Variants in RASSF3 observed in about 807,000 individuals in gnomAD.
RASSF3 encodes the protein Ras association domain family member 3, also known as ras association domain-containing protein 3.
Under a neutral mutation model 19.9 loss-of-function variants are expected in RASSF3, and 19 were observed. That is an observed-to-expected ratio of 0.96 (90% CI 0.67 to 1.40). The LOEUF is 1.40. RASSF3 is among the 40% of genes most tolerant of loss of function. The probability of loss-of-function intolerance (pLI) is 0.00; values close to 1 mark genes in which losing one functional copy is unlikely to be tolerated. For missense variants in RASSF3, 306 were observed against 289.8 expected, an observed-to-expected ratio of 1.06 and a Z score of -0.41; for synonymous variants, 110 against 104.2, an observed-to-expected ratio of 1.06 and a Z score of -0.34.
At chr12:64,684,664 CA>C in intron 1 of RASSF3, 122 bp from the exon 2 acceptor site, 1 of 635,356 alleles carries the variant, frequency 1.6e-6, no homozygotes, top group Non-Finnish European at 2.8e-6. Context: ...CTCCCAACCT[CA>C]GGTGATCCGC....
intron 1 of RASSF3, among the ~76,000 whole-genome samples, chr12:64,611,875 C>G (rs888552446): frequency 2.0e-5 from 3 of 152,100 alleles, no homozygotes; most frequent in Admixed American, 6.6e-5. Context: ...TTCGGAAGTT[C>G]TAGTCTTTTC....
chr12:64,632,938 A>G (rs575149122), intron 1 of RASSF3, among the ~76,000 whole-genome samples: 1 of 152,354 alleles, frequency 6.6e-6, no homozygotes, highest in South Asian at 2.1e-4. Flanking sequence ...TCTTAGAAAA[A>G]AAGTCTTTGA....
intron 2 of RASSF3, among the ~76,000 whole-genome samples, chr12:64,605,054 C>T (rs550594741): frequency 2.6e-5 from 4 of 151,724 alleles, no homozygotes; most frequent in South Asian, 2.1e-4. Context: ...GGTGCCATCT[C>T]GGCTCACTGC....
chr12:64,642,765 G>T (rs781547076), intron 1 of RASSF3, among the ~76,000 whole-genome samples: 1 of 151,510 alleles, frequency 6.6e-6, no homozygotes, highest in Non-Finnish European at 1.5e-5. Context: ...TTTGTAGAGT[G>T]CAGTGGTTTA....
chr12:64,676,166 A>ATTTTT (rs35376691), intron 1 of RASSF3, among the ~76,000 whole-genome samples: 12 of 106,404 alleles, frequency 1.1e-4, no homozygotes, highest in Non-Finnish European at 2.0e-4. Flanking sequence ...CAGGAGTAGA[A>ATTTTT]TTTTTTTTTT....
chr12:64,641,775 C>T (rs560919810), intron 1 of RASSF3, among the ~76,000 whole-genome samples: 1 of 151,674 alleles, frequency 6.6e-6, no homozygotes, highest in African/African-American at 2.4e-5. Flanking sequence ...GGAGTTTCGC[C>T]CTTGTTGCCC....
chr12:64,635,984 A>G (rs1312680471), intron 1 of RASSF3, among the ~76,000 whole-genome samples: 2 of 152,240 alleles, frequency 1.3e-5, no homozygotes, highest in Non-Finnish European at 2.9e-5. Context: ...TATATTTCTT[A>G]TGAACATACT....
At chr12:64,534,132 G>A (rs1308599333) in intron 1 of RASSF3, among the ~76,000 whole-genome samples, 1 of 151,868 alleles carries the variant, frequency 6.6e-6, no homozygotes, top group East Asian at 1.9e-4. Context: ...GTGGTGGTGG[G>A]CACCTGTAGT....
At chr12:64,525,710 T>C (rs1868570289) in intron 1 of RASSF3, among the ~76,000 whole-genome samples, 1 of 151,928 alleles carries the variant, frequency 6.6e-6, no homozygotes, top group African/African-American at 2.4e-5. Context: ...CAGAATTTGT[T>C]TGCTTCAACA....
At chr12:64,556,330 A>AT (rs945079188) in intron 2 of RASSF3, among the ~76,000 whole-genome samples, 107 of 151,718 alleles carry the variant, frequency 7.1e-4, no homozygotes, top group Middle Eastern at 3.4e-3. Flanking sequence ...ATTTTTTGGT[A>AT]TTTTTTTTGT....
intron 2 of RASSF3, among the ~76,000 whole-genome samples, chr12:64,600,049 A>G (rs1484215994): frequency 3.3e-5 from 5 of 151,790 alleles, no homozygotes; most frequent in African/African-American, 1.2e-4. Flanking sequence ...AAAAAAAAAA[A>G]AAAAAAGAAT....
At chr12:64,615,463 C>T (rs10878200) in intron 1 of RASSF3, among the ~76,000 whole-genome samples, 40,520 of 152,044 alleles carry the variant, frequency 0.27, 5,546 homozygotes, top group East Asian at 0.41. Context: ...CTATTAGACT[C>T]CCCATAGCAG....
At chr12:64,553,440 A>G (rs573694400) in intron 2 of RASSF3, among the ~76,000 whole-genome samples, 1 of 152,316 alleles carries the variant, frequency 6.6e-6, no homozygotes. Flanking sequence ...TGGAAGAGTT[A>G]TTAAGAATTA....
At chr12:64,555,383 T>C (rs1869239176) in intron 2 of RASSF3, among the ~76,000 whole-genome samples, 1 of 152,190 alleles carries the variant, frequency 6.6e-6, no homozygotes, top group Non-Finnish European at 1.5e-5. Context: ...CCAGCTAGAA[T>C]CTTAATGTCT....
intron 1 of RASSF3, among the ~76,000 whole-genome samples, chr12:64,537,215 C>T (rs961469073): frequency 1.6e-4 from 24 of 152,152 alleles, no homozygotes; most frequent in African/African-American, 5.8e-4. Context: ...CTCTCCTTGC[C>T]CTAGTTCTTA....
At chr12:64,625,206 G>A (rs984396156) in intron 1 of RASSF3, among the ~76,000 whole-genome samples, 2 of 152,020 alleles carry the variant, frequency 1.3e-5, no homozygotes, top group African/African-American at 4.8e-5. Context: ...GTCATTCCTG[G>A]AGGATTAATT....
At chr12:64,618,756 T>C (rs1453427301) in intron 1 of RASSF3, among the ~76,000 whole-genome samples, 3 of 152,250 alleles carry the variant, frequency 2.0e-5, no homozygotes, top group East Asian at 3.9e-4. Flanking sequence ...TCAGAAAATA[T>C]ATTCTGAGAT....
upstream of RASSF3, chr12:64,610,488 A>C (rs576461952): frequency 1.4e-5 from 4 of 285,150 alleles, 1 homozygote; most frequent in South Asian, 6.0e-4. Context: ...AGGGGCCGGG[A>C]GAGCCTGATT....
intron 1 of RASSF3, among the ~76,000 whole-genome samples, chr12:64,632,117 A>G (rs1458257347): frequency 6.6e-6 from 1 of 152,058 alleles, no homozygotes; most frequent in Non-Finnish European, 1.5e-5. Flanking sequence ...TGGCAGGTGG[A>G]TATTGATGGA....
Sources: gnomAD v4.1 joint callset for allele counts (sites outside exome capture counted in the v4.1 genomes callset) on GRCh38, gnomAD v4.1.1 for gene constraint, MANE v1.5 for transcripts, NCBI Gene and HGNC (gene_info 2026-07-23, HGNC 2026-07-21) for gene names.